Variants in TTLL13 observed in about 807,000 individuals in gnomAD.
TTLL13 encodes tubulin tyrosine ligase like 13.
the TTLL13 span, chr15:90,263,724 T>C: frequency 9.0e-6 from 6 of 665,152 alleles, no homozygotes; most frequent in Admixed American, 1.3e-4. Context: ...GGTAAGGGGC[T>C]GCTCTTCTCC....
the TTLL13 span, among the ~76,000 whole-genome samples, chr15:90,254,202 T>TA: frequency 5.0e-4 from 69 of 139,082 alleles, 1 homozygote; most frequent in African/African-American, 1.0e-3. Context: ...TTTTTTTTTT[T>TA]AAAAAAAAAA....
the TTLL13 span, among the ~76,000 whole-genome samples, chr15:90,259,652 T>G: frequency 6.6e-6 from 1 of 152,258 alleles, no homozygotes. Context: ...ATTCTCATGT[T>G]AGCACATAAG....
the TTLL13 span, chr15:90,251,448 C>A: frequency 8.3e-7 from 1 of 1,207,558 alleles, no homozygotes; most frequent in Non-Finnish European, 1.2e-6. Flanking sequence ...TTTTAAGTGG[C>A]TTCTAGAGAA....
At chr15:90,253,353 A>T in the TTLL13 span, 5 of 1,612,492 alleles carry the variant, frequency 3.1e-6, no homozygotes, top group Non-Finnish European at 3.4e-6. Context: ...AGTCATGGAC[A>T]TGAAGAGGTT....
At chr15:90,253,588 A>G in the TTLL13 span, among the ~76,000 whole-genome samples, 3 of 152,086 alleles carry the variant, frequency 2.0e-5, no homozygotes, top group African/African-American at 7.2e-5. Flanking sequence ...GGCACATCCT[A>G]TCTCATGATT....
chr15:90,262,589 G>A, the TTLL13 span: 2 of 1,534,578 alleles, frequency 1.3e-6, no homozygotes, highest in Non-Finnish European at 1.7e-6. Flanking sequence ...TGAATCAGCT[G>A]GGGAGAAAAG....
At chr15:90,264,533 C>T in the TTLL13 span, among the ~76,000 whole-genome samples, 1 of 152,154 alleles carries the variant, frequency 6.6e-6, no homozygotes, top group African/African-American at 2.4e-5. Context: ...AGTCCCAGCA[C>T]TCAAGAGGTA....
the TTLL13 span, among the ~76,000 whole-genome samples, chr15:90,256,611 TTCC>T: frequency 0.011 from 495 of 43,110 alleles, 16 homozygotes; most frequent in African/African-American, 0.051. Context: ...CTTTCTTTCC[TTCC>T]TTCCTTCCTT....
the TTLL13 span, chr15:90,263,241 G>A: frequency 8.8e-7 from 1 of 1,138,592 alleles, no homozygotes; most frequent in Non-Finnish European, 1.2e-6. Flanking sequence ...TTGTGTGATG[G>A]TATCTGTCAG....
the TTLL13 span, chr15:90,250,485 T>A: frequency 1.1e-6 from 1 of 952,034 alleles, no homozygotes; most frequent in Non-Finnish European, 1.5e-6. Context: ...AGTGAAACAG[T>A]TTTGTCCTGA....
At chr15:90,262,674 C>T in the TTLL13 span, 1 of 1,476,584 alleles carries the variant, frequency 6.8e-7, no homozygotes. Context: ...AAAGAGGTGC[C>T]AGGGGTTTTG....
the TTLL13 span, among the ~76,000 whole-genome samples, chr15:90,256,787 C>G: frequency 6.6e-6 from 1 of 152,040 alleles, no homozygotes; most frequent in African/African-American, 2.4e-5. Flanking sequence ...CTCCCGGGTT[C>G]AAGCAATTCT....
the TTLL13 span, among the ~76,000 whole-genome samples, chr15:90,264,459 C>T: frequency 0.02 from 3,057 of 152,252 alleles, 101 homozygotes; most frequent in African/African-American, 0.069. Context: ...GTGTAAGCCA[C>T]CGCACCAGGC....
At chr15:90,254,268 G>A in the TTLL13 span, among the ~76,000 whole-genome samples, 2 of 151,684 alleles carry the variant, frequency 1.3e-5, no homozygotes, top group African/African-American at 4.8e-5. Context: ...GCCGAGGCGG[G>A]CGGATCATGA....
the TTLL13 span, among the ~76,000 whole-genome samples, chr15:90,256,629 CCTTCCTTCCTTCTTT>C: frequency 0.013 from 921 of 69,166 alleles, 30 homozygotes; most frequent in African/African-American, 0.047. Flanking sequence ...TTCCTTCCTT[CCTTCCTTCCTTCTTT>C]CTTTCTCCCT....
the TTLL13 span, chr15:90,257,815 T>C: frequency 6.1e-6 from 8 of 1,301,728 alleles, no homozygotes; most frequent in South Asian, 2.5e-5. Flanking sequence ...GGGAGGCTAA[T>C]TGCCCAGGGA....
chr15:90,251,114 C>CTTTGTTTTTTTTTTT, the TTLL13 span, among the ~76,000 whole-genome samples: 1 of 104,672 alleles, frequency 9.6e-6, no homozygotes, highest in African/African-American at 3.7e-5. Context: ...CCTGGTCTGT[C>CTTTGTTTTTTTTTTT]TTTTTTTTTT....
chr15:90,263,190 C>T, the TTLL13 span: 3 of 1,463,376 alleles, frequency 2.1e-6, no homozygotes, highest in Admixed American at 2.5e-5. Context: ...GGAACAAGGG[C>T]TGTCATTCCA....
chr15:90,258,999 A>T, the TTLL13 span: 3 of 1,610,164 alleles, frequency 1.9e-6, no homozygotes, highest in Non-Finnish European at 2.5e-6. Flanking sequence ...TTAGATGAAG[A>T]ATGTGGCCTG....
Sources: allele counts gnomAD v4.1 joint callset (sites outside exome capture counted in the v4.1 genomes callset), GRCh38; gene constraint gnomAD v4.1.1; transcripts MANE v1.5; gene names NCBI Gene and HGNC (gene_info 2026-07-23, HGNC 2026-07-21).